Variants in RORA observed in about 807,000 individuals in gnomAD.
RORA encodes the protein nuclear receptor ROR-alpha.
In RORA, 7 loss-of-function variants were observed where a neutral mutation model predicts 69.5. That is an observed-to-expected ratio of 0.10 (90% CI 0.06 to 0.19). The LOEUF is 0.19. Among genes scored for constraint, RORA ranks in the 10% least tolerant of loss-of-function variants. The pLI, the probability that RORA is intolerant of heterozygous loss-of-function variation, is 1.00. For missense variants in RORA, 457 were observed against 663.0 expected, an observed-to-expected ratio of 0.69 and a Z score of 3.41; for synonymous variants, 261 against 240.8, an observed-to-expected ratio of 1.08 and a Z score of -0.78.
chr15:60,532,771 A>G (rs1488889194), intron 2 of RORA, among the ~76,000 whole-genome samples: 1 of 152,230 alleles, frequency 6.6e-6, no homozygotes, highest in African/African-American at 2.4e-5. Context: ...CTGTATAGAC[A>G]GGATGGGAAC....
At chr15:60,595,841 A>G (rs1248198588) in intron 2 of RORA, among the ~76,000 whole-genome samples, 1 of 152,220 alleles carries the variant, frequency 6.6e-6, no homozygotes, top group Non-Finnish European at 1.5e-5. Flanking sequence ...ACATACTTAT[A>G]AACACATGTA....
chr15:60,541,447 T>A (rs890261251), intron 2 of RORA, among the ~76,000 whole-genome samples: 2 of 152,254 alleles, frequency 1.3e-5, no homozygotes, highest in African/African-American at 4.8e-5. Context: ...ACTTGCTGAT[T>A]AAAGAAACAT....
At chr15:60,813,288 C>T (rs369459743) in intron 1 of RORA, among the ~76,000 whole-genome samples, 39 of 152,312 alleles carry the variant, frequency 2.6e-4, no homozygotes, top group Non-Finnish European at 5.0e-4. Flanking sequence ...CCATTGCAGG[C>T]CACTCGCTTT....
At chr15:60,732,083 C>T (rs993737907) in intron 1 of RORA, among the ~76,000 whole-genome samples, 1 of 152,172 alleles carries the variant, frequency 6.6e-6, no homozygotes, top group African/African-American at 2.4e-5. Context: ...GCATCTCTAG[C>T]AGATGCTGGG....
chr15:60,826,069 C>A (rs777038375), intron 1 of RORA, among the ~76,000 whole-genome samples: 18 of 152,156 alleles, frequency 1.2e-4, no homozygotes, highest in Admixed American at 5.2e-4. Flanking sequence ...ATTGGTCAGA[C>A]CGCTTTCCAA....
intron 1 of RORA, among the ~76,000 whole-genome samples, chr15:60,802,221 G>A (rs963769364): frequency 1.3e-5 from 2 of 152,284 alleles, no homozygotes; most frequent in African/African-American, 2.4e-5. Context: ...TGGGTCAACC[G>A]TTACAACCTT....
intron 2 of RORA, among the ~76,000 whole-genome samples, chr15:60,603,222 T>C (rs1295988714): frequency 2.0e-5 from 3 of 152,212 alleles, no homozygotes; most frequent in Non-Finnish European, 4.4e-5. Flanking sequence ...CTGGTATAAA[T>C]ATTCATGGTA....
At chr15:61,114,259 G>C in intron 1 of RORA, among the ~76,000 whole-genome samples, 1 of 152,100 alleles carries the variant, frequency 6.6e-6, no homozygotes, top group Middle Eastern at 3.2e-3. Context: ...AAACTCTGCA[G>C]TGAGTGACAA....
intron 1 of RORA, among the ~76,000 whole-genome samples, chr15:60,900,218 A>G (rs1289188392): frequency 1.4e-5 from 2 of 144,860 alleles, no homozygotes; most frequent in East Asian, 3.8e-4. Flanking sequence ...TTTCAAAAGG[A>G]AATGATTTAG....
At chr15:60,727,978 C>T (rs1352577837) in intron 1 of RORA, among the ~76,000 whole-genome samples, 1 of 152,228 alleles carries the variant, frequency 6.6e-6, no homozygotes, top group East Asian at 1.9e-4. Context: ...TACCTGCTCA[C>T]AATGGGCTAC....
At chr15:61,110,291 G>C (rs1245718781) in intron 1 of RORA, among the ~76,000 whole-genome samples, 1 of 151,958 alleles carries the variant, frequency 6.6e-6, no homozygotes, top group African/African-American at 2.4e-5. Flanking sequence ...AGATACTAGG[G>C]AGGCTGAGGT....
intron 1 of RORA, among the ~76,000 whole-genome samples, chr15:60,878,456 T>C (rs575539967): frequency 2.6e-5 from 4 of 152,048 alleles, no homozygotes; most frequent in Non-Finnish European, 5.9e-5. Context: ...AAATTTGGCA[T>C]TACCCAGTTG....
intron 3 of RORA, among the ~76,000 whole-genome samples, chr15:60,517,005 A>G (rs1321204745): frequency 6.7e-6 from 1 of 150,068 alleles, no homozygotes; most frequent in African/African-American, 2.5e-5. Flanking sequence ...AAAAAAGGAC[A>G]CCCATATATT....
At chr15:61,169,294 C>T (rs920234775) in intron 1 of RORA, among the ~76,000 whole-genome samples, 2 of 151,688 alleles carry the variant, frequency 1.3e-5, no homozygotes, top group African/African-American at 4.8e-5. Flanking sequence ...AAAAGTCTGG[C>T]GTCTTTTAAG....
chr15:60,924,528 C>T (rs1466192637), intron 1 of RORA, among the ~76,000 whole-genome samples: 3 of 151,664 alleles, frequency 2.0e-5, no homozygotes, highest in South Asian at 2.1e-4. Flanking sequence ...TCTGCTCATC[C>T]GATTTAATGT....
At chr15:61,054,368 G>C (rs1279780492) in intron 1 of RORA, among the ~76,000 whole-genome samples, 2 of 151,560 alleles carry the variant, frequency 1.3e-5, no homozygotes, top group African/African-American at 4.9e-5. Flanking sequence ...ATCTTCATTA[G>C]TTAGCACAGC....
chr15:60,614,094 C>T (rs569079220), intron 2 of RORA, among the ~76,000 whole-genome samples: 4 of 151,974 alleles, frequency 2.6e-5, no homozygotes, highest in African/African-American at 9.7e-5. Context: ...TTTGTAAAAT[C>T]CTTTATTCTT....
chr15:61,132,772 T>C (rs1034880628), intron 1 of RORA, among the ~76,000 whole-genome samples: 1 of 152,220 alleles, frequency 6.6e-6, no homozygotes, highest in Non-Finnish European at 1.5e-5. Flanking sequence ...AAGGTTAAAC[T>C]ATACTGCTGG....
chr15:60,893,684 G>A (rs929311377), intron 1 of RORA, among the ~76,000 whole-genome samples: 2 of 152,140 alleles, frequency 1.3e-5, no homozygotes, highest in African/African-American at 4.8e-5. Context: ...AGGAAGAAGT[G>A]GGTGACAAAG....
Sources: allele counts gnomAD v4.1 joint callset (sites outside exome capture counted in the v4.1 genomes callset), GRCh38; gene constraint gnomAD v4.1.1; transcripts MANE v1.5; gene names NCBI Gene and HGNC (gene_info 2026-07-23, HGNC 2026-07-21).